Variants in PAPPA observed in about 807,000 individuals in gnomAD.
PAPPA encodes the protein pappalysin 1.
PAPPA carries 60 observed loss-of-function variants against 164.0 expected under a neutral mutation model. The observed-to-expected ratio is 0.37, with a 90% CI of 0.30 to 0.45. PAPPA has a LOEUF of 0.45. PAPPA is among the 20% of genes least tolerant of loss of function. PAPPA has a pLI of 1.00. For synonymous variants in PAPPA, 875 were observed against 814.1 expected (o/e 1.07, Z -1.27); for missense variants, 1,782 against 2,087.3 (o/e 0.85, Z 2.85).
At chr9:116,396,159 C>CTT (rs1387202217) in intron 21 of PAPPA, among the ~76,000 whole-genome samples, 2 of 152,134 alleles carry the variant, frequency 1.3e-5, no homozygotes, top group African/African-American at 4.8e-5. Context: ...TTGGCAAATT[C>CTT]TTATTCCTTT....
intron 1 of PAPPA, among the ~76,000 whole-genome samples, chr9:116,164,326 C>T (rs1287055224): frequency 6.6e-6 from 1 of 152,144 alleles, no homozygotes; most frequent in Non-Finnish European, 1.5e-5. Flanking sequence ...TTGCTTTGAC[C>T]ACTTGGATTT....
chr9:116,305,127 G>GCACACAAACA lies in PAPPA; in HGVS notation c.3147+2183_3147+2184insAACACACACA, dbSNP rs1211466718. 7.4e-5 allele frequency among the ~76,000 whole-genome samples: 6 copies of GCACACAAACA among 80,750 alleles called. No homozygotes were observed. The East Asian group carries it at 2.3e-3, about 30-fold the overall frequency. The allele number at this position is 80,750 out of a possible 152,430, so 53.0% of individuals were successfully genotyped here. ...GGCACACGCATACACAAGTACGTGG[G>GCACACAAACA]CACACAGACACACACACACACACAC... On this transcript the variant is annotated intron_variant, in intron 10 of 21. Coordinates refer to ENST00000328252, the MANE Select transcript of PAPPA (RefSeq NM_002581.5).
chr9:116,394,782 C>T (rs1052829161), intron 21 of PAPPA, among the ~76,000 whole-genome samples: 4 of 152,172 alleles, frequency 2.6e-5, no homozygotes, highest in Non-Finnish European at 2.9e-5. Flanking sequence ...GAAATGCTTA[C>T]CACAGCATCA....
At chr9:116,232,498 C>T (rs1844611025) in intron 6 of PAPPA, among the ~76,000 whole-genome samples, 1 of 152,176 alleles carries the variant, frequency 6.6e-6, no homozygotes, top group South Asian at 2.1e-4. Flanking sequence ...TGGCACGCTG[C>T]CTGGACCAAC....
chr9:116,307,689 A>G (rs1317110028), intron 10 of PAPPA, among the ~76,000 whole-genome samples: 3 of 152,212 alleles, frequency 2.0e-5, no homozygotes, highest in Non-Finnish European at 4.4e-5. Flanking sequence ...ACTTGATTGA[A>G]CAGAAATATA....
At chr9:116,283,327 G>A (rs990825328) in intron 9 of PAPPA, among the ~76,000 whole-genome samples, 9 of 152,138 alleles carry the variant, frequency 5.9e-5, no homozygotes, top group Middle Eastern at 3.2e-3. Context: ...AGGGGTTGGT[G>A]AGCCTGGGAA....
At chr9:116,319,023 C>G (rs1845821076) in intron 10 of PAPPA, among the ~76,000 whole-genome samples, 1 of 152,214 alleles carries the variant, frequency 6.6e-6, no homozygotes, top group South Asian at 2.1e-4. Flanking sequence ...CCGCCTCCCA[C>G]CCCAAAGCCT....
Position 116,398,536 on chromosome 9 carries a change from C to T in PAPPA, c.*1920C>T. 7.9e-7 allele frequency: 1 copy of T among 1,260,934 alleles called. No homozygotes were observed. The highest frequency in any genetic ancestry group is 1.0e-6 in the Non-Finnish European group (1 of 967,254). 78.1% of individuals were successfully genotyped at this position (1,260,934 alleles called of 1,614,324 possible). A position where few individuals can be genotyped will look rare whatever the true frequency, so the allele number is the denominator to read the frequency against. On this transcript the variant is annotated 3_prime_UTR_variant, in exon 22 of 22. Coordinates refer to ENST00000328252, the MANE Select transcript of PAPPA (RefSeq NM_002581.5). ...CTTTAGGAACCACCATATTATATCACTCCCAATAGCACTGACCTGGTGATC... is the reference window on the plus strand; with the variant it reads ...CTTTAGGAACCACCATATTATATCATTCCCAATAGCACTGACCTGGTGATC...
At chr9:116,342,032 G>A (rs1378971522) in intron 13 of PAPPA, among the ~76,000 whole-genome samples, 2 of 152,140 alleles carry the variant, frequency 1.3e-5, no homozygotes, top group African/African-American at 4.8e-5. Context: ...ATTGGGGAGG[G>A]CACTATTTAT....
At chr9:116,325,029 C>T (rs1845904032) in intron 10 of PAPPA, among the ~76,000 whole-genome samples, 1 of 152,050 alleles carries the variant, frequency 6.6e-6, no homozygotes, top group Admixed American at 6.6e-5. Flanking sequence ...TTATGGGGAG[C>T]ATTTTTATGA....
At chr9:116,158,550 T>A (rs889630856) in intron 1 of PAPPA, among the ~76,000 whole-genome samples, 1 of 152,214 alleles carries the variant, frequency 6.6e-6, no homozygotes, top group East Asian at 1.9e-4. Context: ...AGTACCTGTA[T>A]CATAGAGCTG....
intron 6 of PAPPA, among the ~76,000 whole-genome samples, chr9:116,229,439 T>A (rs1233257813): frequency 6.6e-6 from 1 of 152,252 alleles, no homozygotes; most frequent in Non-Finnish European, 1.5e-5. Flanking sequence ...CACACTCTTC[T>A]GTATTCTTGA....
At chr9:116,222,355 A>G (rs2118711358) in intron 5 of PAPPA, among the ~76,000 whole-genome samples, 1 of 152,316 alleles carries the variant, frequency 6.6e-6, no homozygotes, top group South Asian at 2.1e-4. Flanking sequence ...TTTGAGTATT[A>G]AGATGGTATA....
chr9:116,164,386 C>T lies in PAPPA; in HGVS notation c.415+9799C>T, dbSNP rs180879362. Among the ~76,000 whole-genome samples, 37 of 152,238 alleles carry T rather than the reference C, an allele frequency of 2.4e-4. No individual in the cohort carries two copies. In the East Asian group the frequency reaches 2.7e-3, roughly 11 times the overall value. Reference sequence around the variant, plus strand: ...GTGTTTGTTTTTTGGTATTATTTGCCACAAACCCAGGGTCCACAGAACTTG... The same window carrying T: ...GTGTTTGTTTTTTGGTATTATTTGCTACAAACCCAGGGTCCACAGAACTTG... On this transcript the variant is annotated intron_variant, in intron 1 of 21. Coordinates refer to ENST00000328252, the MANE Select transcript of PAPPA (RefSeq NM_002581.5).
rs1846225320 is a variant in PAPPA, at chr9:116,347,366, C to T, written c.3964+157C>T. 6.6e-6 allele frequency among the ~76,000 whole-genome samples: 1 copy of T among 152,016 alleles called. No homozygotes were observed. Among genetic ancestry groups the T allele is most frequent in the Non-Finnish European group, 1.5e-5 (1 of 68,028 alleles). ...TACTAATTGTATTTATGTAAACTGC[C>T]CTGCTATGCAGATAAGAAAGAAAAA... On this transcript the variant is annotated intron_variant, in intron 15 of 21. Transcript: ENST00000328252. This position sits in a 1 kb window ranked among gnomAD's most constrained non-coding sequence, Gnocchi z 4.5.
Position 116,154,122 on chromosome 9 carries a change from G to A in PAPPA, c.-51G>A. On this transcript the variant is annotated 5_prime_UTR_variant, in exon 1 of 22. Coordinates refer to ENST00000328252, the MANE Select transcript of PAPPA (RefSeq NM_002581.5). This position sits in a 1 kb window ranked among gnomAD's most constrained non-coding sequence, Gnocchi z 5.2. Reference sequence around the variant, plus strand: ...GGCGCCGAGGCTCCCAAAGCTGGCAGCTCCGGGTGGCGGTGCAGGGGCGAA... The same window carrying A: ...GGCGCCGAGGCTCCCAAAGCTGGCAACTCCGGGTGGCGGTGCAGGGGCGAA... The A allele has an allele frequency of 1.7e-6, 2 of 1,184,436 alleles. No individual in the cohort carries two copies. Among genetic ancestry groups the A allele is most frequent in the Non-Finnish European group, 2.1e-6 (2 of 937,170 alleles). 73.4% of individuals were successfully genotyped at this position (1,184,436 alleles called of 1,614,324 possible).
Position 116,344,559 on chromosome 9 carries a change from T to C in PAPPA, c.3628T>C (p.Cys1210Arg). Reference sequence around the variant, plus strand: ...CCTCCCCAGCTGCGTGCACTTCGCATGTGAGAAAACTGACTGTCCAGAGCT... The same window carrying C: ...CCTCCCCAGCTGCGTGCACTTCGCACGTGAGAAAACTGACTGTCCAGAGCT... ...PAEQSCVHFACEKTDCPELAV... is the reference protein window; with the variant it reads ...PAEQSCVHFAREKTDCPELAV... The change falls in exon 14 of 22, where the codon TGT becomes CGT. Residue 1210 changes from cysteine (C) to arginine (R), a missense_variant. This residue lies in a region of PAPPA where 1,324 missense variants were observed against 1,656.9 expected (regional missense o/e 0.80). Coordinates refer to ENST00000328252, the MANE Select transcript of PAPPA (RefSeq NM_002581.5). 6.2e-7 allele frequency: 1 copy of C among 1,613,604 alleles called. No individual in the cohort carries two copies. The highest frequency in any genetic ancestry group is 8.5e-7 in the Non-Finnish European group (1 of 1,179,550).
chr9:116,177,111 T>G (rs190364408), intron 1 of PAPPA, among the ~76,000 whole-genome samples: 11 of 152,318 alleles, frequency 7.2e-5, no homozygotes, highest in Non-Finnish European at 1.3e-4. Context: ...ATACTTCCCA[T>G]GTGCATTTGG....
chr9:116,362,854 TA>T, intron 18 of PAPPA, 115 bp downstream of exon 18: 1 of 969,662 alleles, frequency 1.0e-6, no homozygotes, highest in Non-Finnish European at 1.5e-6. Context: ...GCGTAGGCAC[TA>T]CAGAAAGAGA....
Sources: allele counts gnomAD v4.1 joint callset (sites outside exome capture counted in the v4.1 genomes callset), GRCh38; gene constraint gnomAD v4.1.1; regional missense constraint gnomAD v4.1.1; non-coding constraint Gnocchi (gnomAD v3.1); transcripts MANE v1.5; gene names NCBI Gene and HGNC (gene_info 2026-07-23, HGNC 2026-07-21).